The following ESRRG variants were observed in gnomAD, a reference collection of about 807,000 sequenced individuals.
ESRRG encodes estrogen-related receptor gamma.
ESRRG carries 13 observed loss-of-function variants against 44.0 expected under a neutral mutation model. The ratio of observed to expected loss-of-function variants is 0.30; its 90% confidence interval spans 0.19 to 0.47. ESRRG has a LOEUF of 0.47. ESRRG is among the 20% of genes least tolerant of loss of function. ESRRG has a pLI of 1.00. For synonymous variants in ESRRG, 215 were observed against 214.6 expected (o/e 1.00, Z -0.02); for missense variants, 395 against 580.6 (o/e 0.68, Z 3.29).
At chr1:216,908,495 T>A (rs560677744) in intron 2 of ESRRG, among the ~76,000 whole-genome samples, 2 of 152,178 alleles carry the variant, frequency 1.3e-5, no homozygotes, top group African/African-American at 4.8e-5. Context: ...CCAAATCAAT[T>A]GTCTATTTCC....
chr1:216,623,685 C>T (rs1246244913), intron 3 of ESRRG, among the ~76,000 whole-genome samples: 12 of 152,058 alleles, frequency 7.9e-5, no homozygotes, highest in African/African-American at 1.4e-4. Flanking sequence ...CCCAATGTCA[C>T]GTTAAATACC....
At chr1:216,988,788 GC>G (rs1370667438) in intron 1 of ESRRG, among the ~76,000 whole-genome samples, 4 of 152,136 alleles carry the variant, frequency 2.6e-5, no homozygotes, top group African/African-American at 7.2e-5. Context: ...ACACTTCTGG[GC>G]TTTCTTCTCC....
chr1:216,631,673 T>C (rs1413753447), intron 3 of ESRRG, among the ~76,000 whole-genome samples: 2 of 152,130 alleles, frequency 1.3e-5, no homozygotes, highest in African/African-American at 4.8e-5. Context: ...ATACGATATA[T>C]AAAATACATA....
chr1:216,610,560 G>C (rs1212154199), intron 3 of ESRRG, among the ~76,000 whole-genome samples: 1 of 152,058 alleles, frequency 6.6e-6, no homozygotes, highest in African/African-American at 2.4e-5. Context: ...CACTTAATTT[G>C]ATATTCCTCT....
chr1:216,589,526 A>G (rs1186219592), intron 3 of ESRRG, among the ~76,000 whole-genome samples: 2 of 152,188 alleles, frequency 1.3e-5, no homozygotes, highest in African/African-American at 4.8e-5. Context: ...GAAACCAGTC[A>G]TAAATATAGA....
intron 2 of ESRRG, among the ~76,000 whole-genome samples, chr1:216,744,665 C>T (rs771595948): frequency 1.3e-5 from 2 of 152,118 alleles, no homozygotes; most frequent in African/African-American, 2.4e-5. Flanking sequence ...TACATCTCAC[C>T]ATCTTTATTC....
intron 1 of ESRRG, among the ~76,000 whole-genome samples, chr1:216,684,162 G>A (rs2077520729): frequency 6.6e-6 from 1 of 152,188 alleles, no homozygotes; most frequent in Non-Finnish European, 1.5e-5. Context: ...TGTGCAAGCT[G>A]GAAGTGACTG....
intron 2 of ESRRG, among the ~76,000 whole-genome samples, chr1:216,937,546 G>A (rs1400719051): frequency 6.6e-6 from 1 of 152,142 alleles, no homozygotes; most frequent in Non-Finnish European, 1.5e-5. Context: ...TCTCCTGTGA[G>A]TTTGAATTTA....
intron 2 of ESRRG, among the ~76,000 whole-genome samples, chr1:216,827,792 T>G (rs539610798): frequency 2.6e-5 from 4 of 152,084 alleles, no homozygotes; most frequent in African/African-American, 9.7e-5. Flanking sequence ...AATAGAACCA[T>G]GTAAATAACC....
intron 1 of ESRRG, among the ~76,000 whole-genome samples, chr1:217,066,612 C>T (rs1188645369): frequency 6.6e-6 from 1 of 152,194 alleles, no homozygotes; most frequent in African/African-American, 2.4e-5. Flanking sequence ...TACCTACTTT[C>T]TCTCTTACCT....
chr1:217,018,851 C>A (rs11572434), intron 1 of ESRRG, among the ~76,000 whole-genome samples: 1 of 152,228 alleles, frequency 6.6e-6, no homozygotes, highest in East Asian at 1.9e-4. Context: ...CACATTGCCA[C>A]GTGGACCGCA....
At chr1:216,924,979 G>A (rs1357789722) in intron 2 of ESRRG, among the ~76,000 whole-genome samples, 1 of 151,980 alleles carries the variant, frequency 6.6e-6, no homozygotes, top group Non-Finnish European at 1.5e-5. Flanking sequence ...GTTTTCTTCT[G>A]TATCATCTGC....
intron 1 of ESRRG, among the ~76,000 whole-genome samples, chr1:216,699,742 C>T (rs1445751645): frequency 6.6e-6 from 1 of 152,112 alleles, no homozygotes; most frequent in Non-Finnish European, 1.5e-5. Flanking sequence ...GCTGGAAAAC[C>T]TTCAACACCA....
chr1:217,092,969 G>A (rs903761967), upstream of ESRRG, among the ~76,000 whole-genome samples: 2 of 150,852 alleles, frequency 1.3e-5, no homozygotes, highest in Non-Finnish European at 2.9e-5. Flanking sequence ...TCTATGATAA[G>A]GTAGAACTTC....
At chr1:217,014,019 G>T (rs2079002164) in intron 1 of ESRRG, among the ~76,000 whole-genome samples, 1 of 151,998 alleles carries the variant, frequency 6.6e-6, no homozygotes, top group South Asian at 2.1e-4. Flanking sequence ...AGGAGTGAAG[G>T]GTGCCTATCC....
chr1:216,711,213 G>C (rs2083525574), intron 1 of ESRRG, among the ~76,000 whole-genome samples: 1 of 152,112 alleles, frequency 6.6e-6, no homozygotes. Flanking sequence ...TCCAATAGGA[G>C]CTGCACATCT....
chr1:216,561,146 C>A (rs1217867683), intron 5 of ESRRG, among the ~76,000 whole-genome samples: 1 of 151,878 alleles, frequency 6.6e-6, no homozygotes, highest in Non-Finnish European at 1.5e-5. Flanking sequence ...ATAAAAAAAA[C>A]CTATTCCATA....
At chr1:216,918,942 T>C (rs920253383) in intron 2 of ESRRG, among the ~76,000 whole-genome samples, 27 of 151,078 alleles carry the variant, frequency 1.8e-4, no homozygotes, top group Non-Finnish European at 2.9e-5. Flanking sequence ...ATGATGCTTA[T>C]ACTACCTGCA....
chr1:216,789,165 G>C (rs1455480422), intron 2 of ESRRG, among the ~76,000 whole-genome samples: 1 of 152,126 alleles, frequency 6.6e-6, no homozygotes, highest in Non-Finnish European at 1.5e-5. Context: ...TCTTCTGTGG[G>C]TAAAATGCTA....
Sources: gnomAD v4.1 joint callset for allele counts (sites outside exome capture counted in the v4.1 genomes callset) on GRCh38, gnomAD v4.1.1 for gene constraint, MANE v1.5 for transcripts, NCBI Gene and HGNC (gene_info 2026-07-23, HGNC 2026-07-21) for gene names.